The following IL1RAPL1 variants were observed in gnomAD, a reference collection of about 807,000 sequenced individuals.
IL1RAPL1 encodes interleukin-1 receptor accessory protein-like 1.
IL1RAPL1 carries 3 observed loss-of-function variants against 48.4 expected under a neutral mutation model. The ratio of observed to expected loss-of-function variants is 0.06; its 90% CI spans 0.03 to 0.16. The LOEUF (loss-of-function observed/expected upper bound fraction) is 0.16, where lower values mean the gene tolerates loss of function less well. IL1RAPL1 is among the 10% of genes least tolerant of loss of function. The probability of loss-of-function intolerance (pLI) is 1.00; values close to 1 mark genes in which losing one functional copy is unlikely to be tolerated. For missense variants in IL1RAPL1, 349 were observed against 530.6 expected, an observed-to-expected ratio of 0.66 and a Z score of 3.36; for synonymous variants, 185 against 187.7, an observed-to-expected ratio of 0.99 and a Z score of 0.12.
chrX:29,319,364 A>ATTTTTTTTTTTTTTG (rs1932786255), intron 3 of IL1RAPL1, among the ~76,000 whole-genome samples: 1 of 58,137 alleles, frequency 1.7e-5, no homozygotes, highest in African/African-American at 7.3e-5. Flanking sequence ...GATAAATTTA[A>ATTTTTTTTTTTTTTG]TTTTTTTTTT....
At chrX:29,542,538 C>T (rs1466323769) in intron 5 of IL1RAPL1, among the ~76,000 whole-genome samples, 2 of 112,335 alleles carry the variant, frequency 1.8e-5, no homozygotes, top group African/African-American at 6.5e-5. Flanking sequence ...AACCATATGT[C>T]AGAATACATA....
chrX:29,405,395 C>T (rs1409234163), intron 5 of IL1RAPL1, among the ~76,000 whole-genome samples: 1 of 94,872 alleles, frequency 1.1e-5, no homozygotes, highest in African/African-American at 5.3e-5. Context: ...GAGACAGAGT[C>T]TCGCTCTGTC....
chrX:28,639,246 G>A (rs1049868606), intron 1 of IL1RAPL1, among the ~76,000 whole-genome samples: 23 of 111,833 alleles, frequency 2.1e-4, no homozygotes, highest in East Asian at 2.8e-4. Flanking sequence ...TGTATAAAAG[G>A]CAGTGTGCTT....
At chrX:28,821,544 G>T (rs1713077216) in intron 2 of IL1RAPL1, among the ~76,000 whole-genome samples, 1 of 111,551 alleles carries the variant, frequency 9.0e-6, no homozygotes, top group Non-Finnish European at 1.9e-5. Context: ...GATATGTATG[G>T]TAAAGCAGTA....
intron 8 of IL1RAPL1, among the ~76,000 whole-genome samples, chrX:29,920,752 G>A (rs185094599): frequency 4.6e-4 from 41 of 88,247 alleles, no homozygotes; most frequent in Middle Eastern, 8.1e-3. Flanking sequence ...GCGAGATTGC[G>A]CCATTGCACT....
At chrX:28,816,157 C>A (rs766097547) in intron 2 of IL1RAPL1, among the ~76,000 whole-genome samples, 27 of 108,243 alleles carry the variant, frequency 2.5e-4, no homozygotes, top group African/African-American at 8.0e-4. Flanking sequence ...CCTTCGTATC[C>A]TCGCCAGCAT....
At chrX:29,694,917 G>A (rs1926870420) in intron 6 of IL1RAPL1, among the ~76,000 whole-genome samples, 1 of 111,211 alleles carries the variant, frequency 9.0e-6, no homozygotes, top group Non-Finnish European at 1.9e-5. Flanking sequence ...TCTACTTAGA[G>A]GGGCTGGACA....
chrX:28,613,522 A>T (rs1158230785), intron 1 of IL1RAPL1, among the ~76,000 whole-genome samples: 1 of 112,951 alleles, frequency 8.9e-6, no homozygotes, highest in East Asian at 2.8e-4. Flanking sequence ...ATTTGGATAA[A>T]GGTAGTCCTT....
At position 28,797,467 on chromosome X, in the gene IL1RAPL1, G is replaced by A. The variant is rs183977941; in HGVS notation, c.82+8042G>A. Among the ~76,000 whole-genome samples the A allele has an allele frequency of 7.1e-3, 790 of 111,112 alleles. 6 individuals are homozygous for A. Among genetic ancestry groups the A allele is most frequent in the African/African-American group, 0.024 (747 of 30,534 alleles). ...ACTTTGCTGCTTAGAAATTTCTTCC[G>A]CTAGATACCCTAAATCATCTCTCTC... is the stretch of plus-strand genomic sequence containing the variant. On this transcript the variant is annotated intron_variant, in intron 2 of 10. Transcript: ENST00000378993.
At chrX:29,270,922 G>A (rs1286748737) in intron 2 of IL1RAPL1, among the ~76,000 whole-genome samples, 12 of 111,201 alleles carry the variant, frequency 1.1e-4, no homozygotes, top group Admixed American at 1.1e-3. Context: ...GGTAAATTGC[G>A]TGTCATGGGA....
intron 3 of IL1RAPL1, among the ~76,000 whole-genome samples, chrX:29,295,794 G>C (rs1932441316): frequency 9.0e-6 from 1 of 111,278 alleles, no homozygotes; most frequent in Admixed American, 9.6e-5. Context: ...GGTGTAGACT[G>C]AAAGGAACAA....
intron 2 of IL1RAPL1, among the ~76,000 whole-genome samples, chrX:29,030,418 G>A (rs921095645): frequency 9.0e-6 from 1 of 110,981 alleles, no homozygotes; most frequent in African/African-American, 3.3e-5. Flanking sequence ...TCTTTTGTAG[G>A]TTATTTTCTG....
At chrX:29,704,184 C>G (rs1407257000) in intron 6 of IL1RAPL1, among the ~76,000 whole-genome samples, 1 of 110,861 alleles carries the variant, frequency 9.0e-6, no homozygotes, top group Non-Finnish European at 1.9e-5. Flanking sequence ...CCTGCCTCGG[C>G]CTCCCAATGT....
intron 2 of IL1RAPL1, among the ~76,000 whole-genome samples, chrX:29,176,669 T>A (rs1439564471): frequency 3.6e-5 from 4 of 110,983 alleles, no homozygotes; most frequent in Non-Finnish European, 7.5e-5. Context: ...CGTCTGATGG[T>A]CATTTCTGGA....
chrX:29,548,836 A>G (rs1303953195), intron 5 of IL1RAPL1, among the ~76,000 whole-genome samples: 1 of 112,048 alleles, frequency 8.9e-6, no homozygotes, highest in Non-Finnish European at 1.9e-5. Context: ...CTGTGCAGAT[A>G]AGGTGGCAAT....
intron 6 of IL1RAPL1, among the ~76,000 whole-genome samples, chrX:29,709,541 G>A (rs1363630026): frequency 4.6e-5 from 5 of 109,797 alleles, no homozygotes; most frequent in Non-Finnish European, 5.7e-5. Flanking sequence ...TTGTTTTGTC[G>A]GGACCATACT....
chrX:29,791,570 GAACCACC>G (rs1209516019), intron 6 of IL1RAPL1, among the ~76,000 whole-genome samples: 2 of 107,246 alleles, frequency 1.9e-5, no homozygotes, highest in Non-Finnish European at 3.8e-5. Flanking sequence ...TTACAGGCAT[GAACCACC>G]ATGCCTGGCT....
At chrX:28,810,429 C>T (rs188072763) in intron 2 of IL1RAPL1, among the ~76,000 whole-genome samples, 165 of 110,375 alleles carry the variant, frequency 1.5e-3, no homozygotes, top group African/African-American at 5.1e-3. Flanking sequence ...TTGCATAGAG[C>T]TGAGAAGTGA....
chrX:29,421,469 C>T (rs1454912343), intron 5 of IL1RAPL1, among the ~76,000 whole-genome samples: 2 of 110,431 alleles, frequency 1.8e-5, no homozygotes, highest in Non-Finnish European at 3.8e-5. Context: ...GAACCCCTTT[C>T]TCCTTTATTA....
Sources: allele counts gnomAD v4.1 joint callset (sites outside exome capture counted in the v4.1 genomes callset), GRCh38; gene constraint gnomAD v4.1.1; transcripts MANE v1.5; gene names NCBI Gene and HGNC (gene_info 2026-07-23, HGNC 2026-07-21).